The following ZSCAN25 variants were observed in gnomAD, a reference collection of about 807,000 sequenced individuals.
The protein encoded by ZSCAN25 is zinc finger and SCAN domain-containing protein 25.
Under a neutral mutation model 38.7 loss-of-function variants are expected in ZSCAN25, and 27 were observed. The observed-to-expected ratio is 0.70, with a 90% confidence interval of 0.51 to 0.96. The LOEUF (loss-of-function observed/expected upper bound fraction) is 0.96, where lower values mean the gene tolerates loss of function less well. ZSCAN25 is among the 40% of genes least tolerant of loss of function. The pLI, the probability that ZSCAN25 is intolerant of heterozygous loss-of-function variation, is 0.00. For synonymous variants in ZSCAN25, 273 were observed against 277.7 expected (o/e 0.98, Z 0.17); for missense variants, 637 against 705.9 (o/e 0.90, Z 1.11).
At chr7:99,719,972 G>C in the ZSCAN25 span, among the ~76,000 whole-genome samples, 3 of 152,094 alleles carry the variant, frequency 2.0e-5, no homozygotes, top group African/African-American at 7.2e-5. Flanking sequence ...ACTCCCATTT[G>C]GGTGACAGAG....
chr7:99,676,480 T>C, the ZSCAN25 span: 1 of 1,407,876 alleles, frequency 7.1e-7, no homozygotes, highest in Non-Finnish European at 9.5e-7. Flanking sequence ...TGTCCTCAAA[T>C]GCTCCTGAGA....
At chr7:99,628,873 A>C (rs1302985686) in intron 7 of ZSCAN25, among the ~76,000 whole-genome samples, 4 of 152,242 alleles carry the variant, frequency 2.6e-5, no homozygotes, top group African/African-American at 9.6e-5. Context: ...TTAGGTGCAC[A>C]GTGCTGAAGA....
chr7:99,692,736 T>C, the ZSCAN25 span, among the ~76,000 whole-genome samples: 1 of 152,246 alleles, frequency 6.6e-6, no homozygotes, highest in Non-Finnish European at 1.5e-5. Flanking sequence ...ACCATGGTTT[T>C]GAGCTGTCAG....
the ZSCAN25 span, chr7:99,675,982 A>C: frequency 1.4e-6 from 1 of 726,608 alleles, no homozygotes; most frequent in East Asian, 2.9e-5. Flanking sequence ...GGCATGATCC[A>C]CTGCACCCAG....
At chr7:99,705,108 A>G in the ZSCAN25 span, 1 of 209,818 alleles carries the variant, frequency 4.8e-6, no homozygotes, top group African/African-American at 2.3e-5. Context: ...GATATAACAC[A>G]TGATATAAAT....
chr7:99,663,118 G>T, the ZSCAN25 span: 2 of 1,235,848 alleles, frequency 1.6e-6, no homozygotes, highest in Non-Finnish European at 2.0e-6. Flanking sequence ...TTTCGCCTTT[G>T]CCCTCCCTGT....
chr7:99,638,331 T>C, the ZSCAN25 span: 8 of 1,604,182 alleles, frequency 5.0e-6, no homozygotes, highest in Non-Finnish European at 6.8e-6. Context: ...CCAGTTCCTG[T>C]CCTGAATCCA....
At chr7:99,693,217 T>C in the ZSCAN25 span, among the ~76,000 whole-genome samples, 1 of 152,030 alleles carries the variant, frequency 6.6e-6, no homozygotes, top group African/African-American at 2.4e-5. Flanking sequence ...GGGTATTACC[T>C]GCAGAGGCTG....
At chr7:99,650,134 A>G in the ZSCAN25 span, 2 of 1,614,172 alleles carry the variant, frequency 1.2e-6, no homozygotes, top group Non-Finnish European at 1.7e-6. Context: ...AGCAAGTTTC[A>G]TGTTCATGAG....
chr7:99,619,586 C>T lies in ZSCAN25; in HGVS notation c.-21C>T, dbSNP rs781541989. On this transcript the variant is annotated 5_prime_UTR_variant, in exon 4 of 8. Transcript: ENST00000394152. ...GGTCATTGATGCAGTCATTCTCAGT[C>T]TCCTCGGAGGGAGTCTGAAGATGCT... 6.9e-6 allele frequency: 11 copies of T among 1,589,762 alleles called. No homozygotes were observed. In the Admixed American group the frequency reaches 1.4e-4, roughly 20 times the overall value.
At chr7:99,682,018 G>A in the ZSCAN25 span, among the ~76,000 whole-genome samples, 2 of 152,088 alleles carry the variant, frequency 1.3e-5, no homozygotes, top group African/African-American at 4.8e-5. Context: ...GCCCAGGCTG[G>A]GGTGCATTGT....
chr7:99,695,250 C>T, the ZSCAN25 span, among the ~76,000 whole-genome samples: 1 of 152,124 alleles, frequency 6.6e-6, no homozygotes, highest in African/African-American at 2.4e-5. Flanking sequence ...GCGAATGACC[C>T]AATGGTAAAT....
chr7:99,692,001 A>G, the ZSCAN25 span, among the ~76,000 whole-genome samples: 1 of 152,146 alleles, frequency 6.6e-6, no homozygotes, highest in East Asian at 1.9e-4. Context: ...GATGGTCTTT[A>G]CCATTTGGCA....
At chr7:99,623,802 A>G (rs1376731834) in intron 6 of ZSCAN25, among the ~76,000 whole-genome samples, 1 of 152,224 alleles carries the variant, frequency 6.6e-6, no homozygotes, top group Non-Finnish European at 1.5e-5. Flanking sequence ...GAAGGTAAAT[A>G]GCGGCTGCCA....
At chr7:99,698,940 C>T in the ZSCAN25 span, among the ~76,000 whole-genome samples, 1 of 152,196 alleles carries the variant, frequency 6.6e-6, no homozygotes, top group African/African-American at 2.4e-5. Context: ...TTCCTATTTT[C>T]ATGTCATTGT....
chr7:99,717,447 A>AG, the ZSCAN25 span: 1 of 1,594,474 alleles, frequency 6.3e-7, no homozygotes, highest in Non-Finnish European at 8.6e-7. Context: ...CTCGGAAAGG[A>AG]ACTCTGATCT....
the ZSCAN25 span, chr7:99,714,703 C>T: frequency 6.2e-7 from 1 of 1,605,848 alleles, no homozygotes; most frequent in Non-Finnish European, 8.5e-7. Flanking sequence ...AAAAAACCAA[C>T]AGAAAACGAA....
the ZSCAN25 span, among the ~76,000 whole-genome samples, chr7:99,691,049 T>C: frequency 5.3e-5 from 8 of 152,124 alleles, no homozygotes; most frequent in East Asian, 1.5e-3. Flanking sequence ...AACCCAAATG[T>C]CCAACAACGA....
At chr7:99,638,730 C>T in the ZSCAN25 span, 2 of 1,256,944 alleles carry the variant, frequency 1.6e-6, no homozygotes, top group Admixed American at 1.7e-5. Context: ...TCCACATTTC[C>T]TTGTTCCCGA....
Sources: allele counts gnomAD v4.1 joint callset (sites outside exome capture counted in the v4.1 genomes callset), GRCh38; gene constraint gnomAD v4.1.1; transcripts MANE v1.5; gene names NCBI Gene and HGNC (gene_info 2026-07-23, HGNC 2026-07-21).